GOLGA4: variants seen among roughly 807,000 people sequenced by gnomAD.
GOLGA4 encodes the protein golgin A4, also known as golgin subfamily A member 4.
In GOLGA4, 169 loss-of-function variants were observed where a neutral mutation model predicts 265.9. The observed-to-expected ratio is 0.64, with a 90% CI of 0.56 to 0.72. The LOEUF (loss-of-function observed/expected upper bound fraction) is 0.72. GOLGA4 is among the 30% of genes least tolerant of loss of function. The pLI is 0.00. For synonymous variants in GOLGA4, 923 were observed against 855.8 expected (o/e 1.08, Z -1.37); for missense variants, 2,482 against 2,483.4 (o/e 1.00, Z 0.01).
At chr3:37,335,521 G>A (rs1262264051) in intron 17 of GOLGA4, among the ~76,000 whole-genome samples, 1 of 151,968 alleles carries the variant, frequency 6.6e-6, no homozygotes, top group Non-Finnish European at 1.5e-5. Flanking sequence ...TTGTAAATGT[G>A]ATACTTTTAG....
intron 12 of GOLGA4, among the ~76,000 whole-genome samples, chr3:37,320,867 T>TA (rs771127631): frequency 1.2e-4 from 18 of 152,134 alleles, no homozygotes; most frequent in Non-Finnish European, 2.4e-4. Context: ...ATATTTAAAA[T>TA]ATAGTTTACA....
chr3:37,256,108 G>A (rs2096747980), intron 2 of GOLGA4, among the ~76,000 whole-genome samples: 2 of 152,002 alleles, frequency 1.3e-5, no homozygotes, highest in African/African-American at 4.8e-5. Context: ...TGTGTATCCG[G>A]TTGTCTCATC....
Position 37,326,614 on chromosome 3 carries a change from G to C in GOLGA4, c.4728G>C (p.Lys1576Asn). The C allele has an allele frequency of 6.2e-7, 1 of 1,613,154 alleles. No homozygotes were observed. Among genetic ancestry groups the C allele is most frequent in the Non-Finnish European group, 8.5e-7 (1 of 1,179,600 alleles). Residue 1576 changes from lysine to asparagine, a missense_variant, in exon 14 of 24, where the codon AAG becomes AAC. Physicochemically the swap from Lys to Asn is moderately conservative, Grantham distance 94. Transcript: ENST00000361924. Reference sequence around the variant, plus strand: ...ATTTTCAAGAGTTAGGAGAAGAAAAGGACAACAGGGTTAAAGAAGCTGAAG... The same window carrying C: ...ATTTTCAAGAGTTAGGAGAAGAAAACGACAACAGGGTTAAAGAAGCTGAAG... ...LQHFQELGEE[K>N]DNRVKEAEEK...
At chr3:37,293,885 T>C (rs550816659) in intron 5 of GOLGA4, among the ~76,000 whole-genome samples, 2 of 152,370 alleles carry the variant, frequency 1.3e-5, no homozygotes, top group African/African-American at 4.8e-5. Flanking sequence ...TTATTGTTCC[T>C]ACACTACAAG....
At chr3:37,290,627 C>T (rs2096862209) in intron 5 of GOLGA4, among the ~76,000 whole-genome samples, 1 of 152,136 alleles carries the variant, frequency 6.6e-6, no homozygotes, top group African/African-American at 2.4e-5. Flanking sequence ...TGTACAACTT[C>T]TTTTGGATTA....
chr3:37,267,671 T>A (rs1279277530), intron 2 of GOLGA4, among the ~76,000 whole-genome samples: 2 of 152,216 alleles, frequency 1.3e-5, no homozygotes, highest in African/African-American at 2.4e-5. Context: ...TTTCTTTTTT[T>A]AAAAAATTGT....
intron 10 of GOLGA4, among the ~76,000 whole-genome samples, chr3:37,314,958 T>C (rs912315728): frequency 2.0e-5 from 3 of 152,176 alleles, no homozygotes; most frequent in Non-Finnish European, 4.4e-5. Flanking sequence ...AAATAAAATA[T>C]GCCTAAGAAT....
rs764284576 is a variant in GOLGA4 at position 37,337,768 on chromosome 3, T to C, written c.6396+34T>C. ...CTAATTGGTACCTTTTATTTTGAACTAAAGTTTCGTTAATATGTACTTGGA... is the reference window on the plus strand; with the variant it reads ...CTAATTGGTACCTTTTATTTTGAACCAAAGTTTCGTTAATATGTACTTGGA... On this transcript the variant is annotated intron_variant, in intron 19 of 23. Transcript: ENST00000361924. 8 of 1,359,080 alleles carry C rather than the reference T, an allele frequency of 5.9e-6. No individual in the cohort carries two copies. In the East Asian group the frequency reaches 1.6e-4, roughly 27 times the overall value. 84.2% of individuals were successfully genotyped at this position (1,359,080 alleles called of 1,614,324 possible).
At chr3:37,316,196 C>A (rs1415577042) in intron 11 of GOLGA4, among the ~76,000 whole-genome samples, 11 of 134,042 alleles carry the variant, frequency 8.2e-5, no homozygotes. Flanking sequence ...CCATTTTTTT[C>A]TGCTTTTTTT....
chr3:37,291,370 C>T (rs1408033906), intron 5 of GOLGA4, among the ~76,000 whole-genome samples: 1 of 152,150 alleles, frequency 6.6e-6, no homozygotes, highest in African/African-American at 2.4e-5. Context: ...AACACATCTA[C>T]TTTACTCATA....
At chr3:37,318,772 G>A (rs1449342159) in intron 11 of GOLGA4, among the ~76,000 whole-genome samples, 2 of 152,128 alleles carry the variant, frequency 1.3e-5, no homozygotes, top group African/African-American at 4.8e-5. Flanking sequence ...TTCCCCAGCT[G>A]TGCTCCCCTA....
intron 2 of GOLGA4, among the ~76,000 whole-genome samples, chr3:37,260,759 CAT>C (rs1335324874): frequency 6.6e-6 from 1 of 152,050 alleles, no homozygotes; most frequent in East Asian, 1.9e-4. Flanking sequence ...CAGTATTACA[CAT>C]GAGAGATGAT....
chr3:37,328,968 G>T lies in GOLGA4; in HGVS notation c.6067G>T (p.Ala2023Ser). 3 of 1,600,204 alleles carry T rather than the reference G, an allele frequency of 1.9e-6. No homozygotes were observed. Among genetic ancestry groups the T allele is most frequent in the Non-Finnish European group, 2.6e-6 (3 of 1,175,162 alleles). Residue 2023 changes from alanine (A) to serine (S), a missense_variant, in exon 16 of 24, where the codon GCC becomes TCC. Physicochemically the swap from Ala to Ser is moderately conservative, Grantham distance 99. Transcript: ENST00000361924. ...EMTIKETINK[A>S]QEVEAELLES... ...TGTTCATTTTTATTTATTAGATAAG[G>T]CCCAGGAGGTGGAGGCTGAACTTTT...
At chr3:37,277,562 C>G (rs1476184221) in intron 2 of GOLGA4, among the ~76,000 whole-genome samples, 1 of 152,142 alleles carries the variant, frequency 6.6e-6, no homozygotes, top group East Asian at 1.9e-4. Flanking sequence ...GTGGTCTTTC[C>G]ATGTGGAGAC....
Position 37,275,687 on chromosome 3 carries a change from G to A in GOLGA4, c.163-6271G>A, listed in dbSNP as rs28613805. The A allele has an allele frequency of 2.9e-3, 4,710 of 1,611,868 alleles. 102 individuals are homozygous for A. The African/African-American group carries it at 0.053, about 18-fold the overall frequency. On this transcript the variant is annotated intron_variant, in intron 2 of 23. Transcript: ENST00000361924. Reference sequence around the variant, plus strand: ...GGGGTGGGCGCGGAGAAGACCTGCCGGAGCCATGGAGGACGAAGTGGTCCG... The same window carrying A: ...GGGGTGGGCGCGGAGAAGACCTGCCAGAGCCATGGAGGACGAAGTGGTCCG...
intron 8 of GOLGA4, 86 bp downstream of exon 8, chr3:37,299,106 G>C: frequency 8.3e-7 from 1 of 1,197,752 alleles, no homozygotes; most frequent in South Asian, 1.5e-5. Flanking sequence ...CTCCGGGAGA[G>C]GAGAGTGGAT....
intron 2 of GOLGA4, among the ~76,000 whole-genome samples, chr3:37,271,424 T>TA (rs1434513897): frequency 6.6e-6 from 1 of 152,162 alleles, no homozygotes; most frequent in African/African-American, 2.4e-5. Context: ...GATAGCTTTT[T>TA]ATTAGAGGGA....
At chr3:37,339,167 C>T (rs1022944293) in intron 19 of GOLGA4, among the ~76,000 whole-genome samples, 8 of 152,012 alleles carry the variant, frequency 5.3e-5, no homozygotes, top group Admixed American at 2.0e-4. Flanking sequence ...CGGCCTGTGT[C>T]GGGCTTTTTT....
Position 37,325,889 on chromosome 3 carries a change from T to G in GOLGA4, c.4003T>G (p.Ser1335Ala). 2 of 1,613,676 alleles carry G rather than the reference T, an allele frequency of 1.2e-6. No individual in the cohort carries two copies. Among genetic ancestry groups the G allele is most frequent in the Non-Finnish European group, 1.7e-6 (2 of 1,179,768 alleles). Residue 1335 changes from serine (S) to alanine (A), a missense_variant, in exon 14 of 24, where the codon TCT becomes GCT. Around this residue, in one of 3 missense-constraint regions of GOLGA4, gnomAD observed 4 missense variants for 16.5 expected, o/e 0.24. Coordinates refer to ENST00000361924, the MANE Select transcript of GOLGA4 (RefSeq NM_002078.5). ...AGGAGGCAATCAGCAACAGGCTGCT[T>G]CTGAAAAGGAGTCTTGTATAACACA... Reference protein sequence around the residue: ...KEGGNQQQAASEKESCITQLK... With the variant: ...KEGGNQQQAAAEKESCITQLK...
Sources: gnomAD v4.1 joint callset for allele counts (sites outside exome capture counted in the v4.1 genomes callset) on GRCh38, gnomAD v4.1.1 for gene constraint, gnomAD v4.1.1 regional missense constraint, MANE v1.5 for transcripts, NCBI Gene and HGNC (gene_info 2026-07-23, HGNC 2026-07-21) for gene names.